Variants in ZFAT observed in about 807,000 individuals in gnomAD.
The protein encoded by ZFAT is zinc finger protein ZFAT.
In ZFAT, 64 loss-of-function variants were observed where a neutral mutation model predicts 117.7. The ratio of observed to expected loss-of-function variants is 0.54; its 90% CI spans 0.44 to 0.67. The LOEUF is 0.67. ZFAT is among the 30% of genes least tolerant of loss of function. The probability of loss-of-function intolerance (pLI) is 0.00; values close to 1 mark genes in which losing one functional copy is unlikely to be tolerated. For missense variants in ZFAT, 1,433 were observed against 1,584.5 expected (o/e 0.90, Z 1.62); for synonymous variants, 679 against 615.0 (o/e 1.10, Z -1.54).
At position 134,588,353 on chromosome 8, in the gene ZFAT, A is replaced by C; in HGVS notation, c.2606T>G (p.Val869Gly). ...CTTTCCAATTAGCCCTTTCAGCTGAACCCTCCTCCCGAGAACCTCAGAAAT... is the reference window on the plus strand; with the variant it reads ...CTTTCCAATTAGCCCTTTCAGCTGACCCCTCCTCCCGAGAACCTCAGAAAT... Reference protein sequence around the residue: ...STISEVLGRRVQLKGLIGKRA... With the variant: ...STISEVLGRRGQLKGLIGKRA... Residue 869 changes from valine (V) to glycine (G), a missense_variant, in exon 9 of 16, where the codon GTT becomes GGT. By Grantham distance (109) the Val-to-Gly change is moderately radical. Around this residue, in one of 5 missense-constraint regions of ZFAT, gnomAD observed 503 missense variants for 543.4 expected, o/e 0.93. Transcript: ENST00000377838. 1 of 1,593,134 alleles carries C rather than the reference A, an allele frequency of 6.3e-7. No individual in the cohort carries two copies. Among genetic ancestry groups the C allele is most frequent in the Non-Finnish European group, 8.5e-7 (1 of 1,169,636 alleles).
chr8:134,709,049 G>A (rs146864892), intron 1 of ZFAT, among the ~76,000 whole-genome samples: 3 of 152,256 alleles, frequency 2.0e-5, no homozygotes, highest in African/African-American at 7.2e-5. Flanking sequence ...CATTTCAGGA[G>A]GCCGAGGCCA....
chr8:134,616,683 C>G (rs575636524), intron 3 of ZFAT, among the ~76,000 whole-genome samples: 1 of 152,320 alleles, frequency 6.6e-6, no homozygotes, highest in African/African-American at 2.4e-5. Flanking sequence ...TTTTGCTTCT[C>G]CCTCTTGCGC....
At chr8:134,645,395 T>C (rs755084898) in intron 2 of ZFAT, among the ~76,000 whole-genome samples, 2 of 152,222 alleles carry the variant, frequency 1.3e-5, no homozygotes, top group East Asian at 1.9e-4. Context: ...AAAGACTTTT[T>C]AAAATTTTTT....
At chr8:134,670,753 A>G (rs1832520238) in intron 1 of ZFAT, among the ~76,000 whole-genome samples, 1 of 152,274 alleles carries the variant, frequency 6.6e-6, no homozygotes, top group Non-Finnish European at 1.5e-5. Context: ...AACTAAGATC[A>G]GAGAAGAACT....
At chr8:134,763,654 C>A in the ZFAT span, among the ~76,000 whole-genome samples, 3 of 152,158 alleles carry the variant, frequency 2.0e-5, no homozygotes, top group African/African-American at 7.2e-5. Context: ...ATTATTATAT[C>A]CTCGTGCCTA....
intron 2 of ZFAT, among the ~76,000 whole-genome samples, chr8:134,655,112 G>T (rs905079029): frequency 6.6e-6 from 1 of 152,168 alleles, no homozygotes; most frequent in Non-Finnish European, 1.5e-5. Flanking sequence ...CAGCAGTCGG[G>T]GAACCGTGGC....
intron 1 of ZFAT, among the ~76,000 whole-genome samples, chr8:134,686,927 C>A (rs1341652288): frequency 6.6e-6 from 1 of 152,154 alleles, no homozygotes; most frequent in Non-Finnish European, 1.5e-5. Flanking sequence ...TAATAGTGGC[C>A]TTGGAGTGTT....
chr8:134,717,856 A>G (rs529045711), upstream of ZFAT, among the ~76,000 whole-genome samples: 1 of 152,028 alleles, frequency 6.6e-6, no homozygotes, highest in South Asian at 2.1e-4. Context: ...CACCATGCCC[A>G]GCCAATTTTT....
At chr8:134,649,912 C>T (rs1831132161) in intron 2 of ZFAT, among the ~76,000 whole-genome samples, 1 of 152,052 alleles carries the variant, frequency 6.6e-6, no homozygotes, top group Non-Finnish European at 1.5e-5. Flanking sequence ...GCAGTTTCCC[C>T]CATGCCGTTC....
chr8:134,558,770 T>C lies in ZFAT; in HGVS notation c.2976+6563A>G, dbSNP rs141522628. ...CCTGCCTGGTACCATGTACCATACTTACTACTCATAAAAAATGGTATTGCT... is the reference window on the plus strand; with the variant it reads ...CCTGCCTGGTACCATGTACCATACTCACTACTCATAAAAAATGGTATTGCT... On this transcript the variant is annotated intron_variant, in intron 11 of 15. Transcript: ENST00000377838. 2.8e-3 allele frequency among the ~76,000 whole-genome samples: 431 copies of C among 152,324 alleles called. 1 individual carries two copies. The highest frequency in any genetic ancestry group is 0.01 in the African/African-American group (419 of 41,576).
chr8:134,682,389 C>T (rs1563759454), intron 1 of ZFAT, among the ~76,000 whole-genome samples: 2 of 152,228 alleles, frequency 1.3e-5, no homozygotes, highest in South Asian at 2.1e-4. Flanking sequence ...GGCACGGTGG[C>T]TCATGCCTAT....
intron 1 of ZFAT, among the ~76,000 whole-genome samples, chr8:134,687,624 T>C (rs1342300955): frequency 6.6e-6 from 1 of 151,966 alleles, no homozygotes; most frequent in East Asian, 1.9e-4. Flanking sequence ...GAACACCCCC[T>C]GTCCCGCTGC....
chr8:134,672,444 T>C (rs1832607220), intron 1 of ZFAT, among the ~76,000 whole-genome samples: 1 of 152,094 alleles, frequency 6.6e-6, no homozygotes, highest in African/African-American at 2.4e-5. Flanking sequence ...CATTAGGAGA[T>C]ATACCTAATG....
At chr8:134,761,290 G>T in the ZFAT span, among the ~76,000 whole-genome samples, 6 of 152,078 alleles carry the variant, frequency 3.9e-5, no homozygotes, top group African/African-American at 1.4e-4. Context: ...GGGTATGATG[G>T]GAGGGAAGAC....
At chr8:134,785,367 T>C in the ZFAT span, 2 of 152,158 alleles carry the variant, frequency 1.3e-5, no homozygotes, top group East Asian at 3.8e-4. Context: ...TTTCTAGTTT[T>C]AATATAGTCA....
chr8:134,786,472 C>T, the ZFAT span, among the ~76,000 whole-genome samples: 1 of 152,146 alleles, frequency 6.6e-6, no homozygotes, highest in African/African-American at 2.4e-5. Flanking sequence ...ATATAACTTG[C>T]ATTTTGCTGG....
chr8:134,753,031 T>C, the ZFAT span, among the ~76,000 whole-genome samples: 1 of 152,188 alleles, frequency 6.6e-6, no homozygotes. Flanking sequence ...AGAGCACCTA[T>C]GGTATCAGGA....
At chr8:134,812,819 C>T in the ZFAT span, among the ~76,000 whole-genome samples, 1 of 152,176 alleles carries the variant, frequency 6.6e-6, no homozygotes, top group Non-Finnish European at 1.5e-5. Context: ...AGGCAATGTT[C>T]TAAGTGTTTT....
In ZFAT at chr8:134,712,669, G is replaced by A. The variant is rs1331735484; in HGVS notation, c.19+176C>T. Among the ~76,000 whole-genome samples, 4 of 146,000 alleles carry A rather than the reference G, an allele frequency of 2.7e-5. No individual in the cohort carries two copies. In the East Asian group the frequency reaches 8.2e-4, roughly 30 times the overall value. ...GGGATACCCCAGCGACTGAACGTGA[G>A]CCGCAGAACGCAACTACGTTCGCTC... is the stretch of plus-strand genomic sequence containing the variant. On this transcript the variant is annotated intron_variant, in intron 1 of 15. Transcript: ENST00000377838.
Sources: allele counts gnomAD v4.1 joint callset (sites outside exome capture counted in the v4.1 genomes callset), GRCh38; gene constraint gnomAD v4.1.1; regional missense constraint gnomAD v4.1.1; transcripts MANE v1.5; gene names NCBI Gene and HGNC (gene_info 2026-07-23, HGNC 2026-07-21).